Variants in CUL4B observed in about 807,000 individuals in gnomAD.
The protein encoded by CUL4B is cullin 4B.
In CUL4B, 1 loss-of-function variant was observed where a neutral mutation model predicts 69.2. The observed-to-expected ratio is 0.01, with a 90% confidence interval of 0.01 to 0.07. CUL4B has a LOEUF of 0.07. Among genes scored for constraint, CUL4B ranks in the 10% least tolerant of loss-of-function variants. CUL4B has a pLI of 1.00. For missense variants in CUL4B, 328 were observed against 638.8 expected, an observed-to-expected ratio of 0.51 and a Z score of 5.24; for synonymous variants, 237 against 223.2, an observed-to-expected ratio of 1.06 and a Z score of -0.55.
intron 2 of CUL4B, among the ~76,000 whole-genome samples, chrX:120,554,483 A>G (rs1302960273): frequency 1.8e-5 from 2 of 112,574 alleles, no homozygotes; most frequent in African/African-American, 6.5e-5. Context: ...TCAAGGAAAG[A>G]TAATTTTAAA....
upstream of CUL4B, chrX:120,561,118 AG>A: frequency 2.0e-6 from 2 of 1,013,449 alleles, no homozygotes; most frequent in Non-Finnish European, 2.5e-6. Context: ...GCGCCGAGGG[AG>A]GGGCGGTGTC....
chrX:120,534,909 T>C (rs1277245859), intron 16 of CUL4B, among the ~76,000 whole-genome samples: 1 of 112,168 alleles, frequency 8.9e-6, no homozygotes, highest in Middle Eastern at 4.2e-3. Context: ...ATTTCAAATG[T>C]ATTTTTGATT....
chrX:120,531,277 G>A (rs1385882089), intron 18 of CUL4B, among the ~76,000 whole-genome samples: 3 of 107,311 alleles, frequency 2.8e-5, no homozygotes, highest in Non-Finnish European at 5.8e-5. Context: ...AGCCAAGATC[G>A]TGCCACTGAC....
chrX:120,539,799 A>G (rs1001154505), intron 11 of CUL4B, among the ~76,000 whole-genome samples: 3 of 112,193 alleles, frequency 2.7e-5, no homozygotes, highest in African/African-American at 9.7e-5. Context: ...GATACATCGT[A>G]GAGTAGAAGG....
intron 1 of CUL4B, chrX:120,574,710 G>T: frequency 1.3e-6 from 1 of 791,414 alleles, no homozygotes; most frequent in Admixed American, 2.3e-5. Context: ...ATTGACTCTG[G>T]TTTCCCAGCC....
At chrX:120,553,791 G>T (rs1330026895) in intron 2 of CUL4B, among the ~76,000 whole-genome samples, 3 of 111,190 alleles carry the variant, frequency 2.7e-5, no homozygotes, top group Non-Finnish European at 5.7e-5. Flanking sequence ...CAAAAGTTGA[G>T]AACATGAGCT....
chrX:120,561,251 C>T (rs1233355409), upstream of CUL4B: 2 of 512,629 alleles, frequency 3.9e-6, no homozygotes, highest in African/African-American at 4.7e-5. Flanking sequence ...CTAGTTCGCT[C>T]CTGCTCCCGC....
At chrX:120,534,722 C>T (rs1923546318) in intron 16 of CUL4B, 136 bp from the exon 17 acceptor site, 9 of 490,905 alleles carry the variant, frequency 1.8e-5, no homozygotes, top group Middle Eastern at 5.3e-4. Context: ...AGCCACTTGA[C>T]GTGGTAATAC....
At chrX:120,529,219 A>G (rs148842414) in intron 19 of CUL4B, among the ~76,000 whole-genome samples, 1,428 of 111,544 alleles carry the variant, frequency 0.013, 10 homozygotes, top group Non-Finnish European at 0.02. Flanking sequence ...GGTAATGAGG[A>G]GTGCGATATT....
Position 120,560,788 on chromosome X carries a change from G to A in CUL4B, c.-150C>T. On this transcript the variant is annotated 5_prime_UTR_variant, in exon 1 of 20. Transcript: ENST00000371322. ...AGGACGAGAAGGAAAGTGAAGGGGG[G>A]GGCTACACCGGGGGAATGGGAGGGT... 1 of 418,688 alleles carries A rather than the reference G, an allele frequency of 2.4e-6. No individual in the cohort carries two copies. The highest frequency in any genetic ancestry group is 1.3e-4 in the East Asian group (1 of 7,974). 34.5% of individuals were successfully genotyped at this position (418,688 alleles called of 1,213,427 possible).
chrX:120,526,936 A>C, intron 19 of CUL4B, 80 bp from the exon 20 acceptor site: 1 of 537,921 alleles, frequency 1.9e-6, no homozygotes, highest in Non-Finnish European at 3.2e-6. Flanking sequence ...CATTAAAAAG[A>C]CAACAGTTTC....
chrX:120,549,000 A>G (rs750046695), intron 2 of CUL4B, among the ~76,000 whole-genome samples: 36 of 112,220 alleles, frequency 3.2e-4, no homozygotes, highest in East Asian at 2.5e-3. Context: ...CCTGTTATGC[A>G]TATATAAAAG....
chrX:120,560,202 A>G lies in CUL4B; in HGVS notation c.437T>C (p.Ile146Thr). The change falls in exon 1 of 20, where the codon ATC becomes ACC. Residue 146 changes from isoleucine to threonine, a missense_variant. By Grantham distance (89) the Ile-to-Thr change is moderately conservative. This residue lies in a region of CUL4B where 102 missense variants were observed against 122.1 expected (regional missense o/e 0.84). Coordinates refer to ENST00000371322, the MANE Select transcript of CUL4B (RefSeq NM_001079872.2). ...ATGATGCACCGAAGCCACAGAAGAG[A>G]TTAATATACTCTTATTTTTAAGTTG... ...QQQLKNKSILISSVASVHHAN... is the reference protein window; with the variant it reads ...QQQLKNKSILTSSVASVHHAN... 1 of 1,211,171 alleles carries G rather than the reference A, an allele frequency of 8.3e-7. No homozygotes were observed. The highest frequency in any genetic ancestry group is 1.1e-6 in the Non-Finnish European group (1 of 894,979).
chrX:120,565,896 T>C (rs1925495595), upstream of CUL4B, among the ~76,000 whole-genome samples: 1 of 104,933 alleles, frequency 9.5e-6, no homozygotes, highest in African/African-American at 3.5e-5. Context: ...CAGCTAATTT[T>C]TTTTTGTATT....
At position 120,538,342 on chromosome X, in the gene CUL4B, C is replaced by T; in HGVS notation, c.1853-133G>A. 6.5e-6 allele frequency: 3 copies of T among 460,602 alleles called. No individual in the cohort carries two copies. In the South Asian group the frequency reaches 1.1e-4, roughly 17 times the overall value. The allele number at this position is 460,602 out of a possible 1,213,427, so 38.0% of individuals were successfully genotyped here. A position where few individuals can be genotyped will look rare whatever the true frequency, so the allele number is the denominator to read the frequency against. On this transcript the variant is annotated intron_variant, in intron 13 of 19. Transcript: ENST00000371322. Reference sequence around the variant, plus strand: ...AACTTTCATAAGAATAAAAAGAAATCCTTACCCCAAAGTGTATGCCCCATT... The same window carrying T: ...AACTTTCATAAGAATAAAAAGAAATTCTTACCCCAAAGTGTATGCCCCATT...
chrX:120,534,652 T>G, intron 16 of CUL4B, 66 bp from the exon 17 acceptor site: 1 of 745,693 alleles, frequency 1.3e-6, no homozygotes. Flanking sequence ...TAATCATCTC[T>G]TATAGGAAAA....
downstream of CUL4B, among the ~76,000 whole-genome samples, chrX:120,568,846 C>A (rs1302325142): frequency 1.8e-5 from 2 of 111,831 alleles, no homozygotes; most frequent in East Asian, 5.6e-4. Flanking sequence ...TCACAGACTC[C>A]AAATACAGCA....
upstream of CUL4B, chrX:120,561,214 G>T (rs1159058042): frequency 1.9e-6 from 1 of 538,676 alleles, no homozygotes; most frequent in Admixed American, 3.5e-5. Context: ...CTGGAAAGGG[G>T]CGGCTAAAGT....
At chrX:120,529,828 T>C (rs1923205759) in intron 19 of CUL4B, among the ~76,000 whole-genome samples, 1 of 111,004 alleles carries the variant, frequency 9.0e-6, no homozygotes, top group African/African-American at 3.3e-5. Flanking sequence ...TCAAAAGAAA[T>C]ATAGTGAATA....
Sources: gnomAD v4.1 joint callset for allele counts (sites outside exome capture counted in the v4.1 genomes callset) on GRCh38, gnomAD v4.1.1 for gene constraint, gnomAD v4.1.1 regional missense constraint, MANE v1.5 for transcripts, NCBI Gene and HGNC (gene_info 2026-07-23, HGNC 2026-07-21) for gene names.